The following ZMYM6 variants were observed in gnomAD, a reference collection of about 807,000 sequenced individuals.
The protein encoded by ZMYM6 is zinc finger MYM-type containing 6.
A neutral mutation model predicts 134.0 loss-of-function variants in ZMYM6; 90 were observed. The observed-to-expected ratio is 0.67, with a 90% CI of 0.57 to 0.80. The LOEUF (loss-of-function observed/expected upper bound fraction) is 0.80, where lower values mean the gene tolerates loss of function less well. ZMYM6 is among the 30% of genes least tolerant of loss of function. The pLI is 0.00. For synonymous variants in ZMYM6, 481 were observed against 524.1 expected (o/e 0.92, Z 1.12); for missense variants, 1,362 against 1,533.9 (o/e 0.89, Z 1.87).
At chr1:34,992,679 T>TTTATAAACTATAAATATAAAAATATAC (rs1557558229) in intron 14 of ZMYM6, among the ~76,000 whole-genome samples, 13 of 144,300 alleles carry the variant, frequency 9.0e-5, no homozygotes, top group Non-Finnish European at 1.8e-4. Flanking sequence ...TAAAAATATA[T>TTTATAAACTATAAATATAAAAATATAC]TTGTAAATAT....
chr1:34,993,716 C>T (rs565023355), intron 14 of ZMYM6, among the ~76,000 whole-genome samples: 69 of 151,894 alleles, frequency 4.5e-4, no homozygotes, highest in South Asian at 2.1e-3. Context: ...CGGAGTCTCG[C>T]TCTGTCACCC....
chr1:35,013,625 A>G, intron 6 of ZMYM6: 2 of 985,488 alleles, frequency 2.0e-6, no homozygotes, highest in Non-Finnish European at 2.4e-6. Flanking sequence ...AGGAAGCAAC[A>G]AATCAAACTT....
chr1:34,998,895 G>A (rs573513123), intron 14 of ZMYM6, among the ~76,000 whole-genome samples: 1 of 152,230 alleles, frequency 6.6e-6, no homozygotes, highest in South Asian at 2.1e-4. Flanking sequence ...GCTGAGGCGG[G>A]AGGATGGCTT....
At chr1:35,008,660 C>T in intron 11 of ZMYM6, 92 bp downstream of exon 11, 4 of 1,428,354 alleles carry the variant, frequency 2.8e-6, no homozygotes, top group Non-Finnish European at 3.8e-6. Flanking sequence ...TGCTAAACAC[C>T]AAATTTTTCT....
intron 6 of ZMYM6, chr1:35,013,510 T>C: frequency 2.0e-6 from 2 of 985,392 alleles, no homozygotes; most frequent in Non-Finnish European, 2.4e-6. Context: ...ATAACATGGA[T>C]TCTTTTCCTG....
intron 14 of ZMYM6, among the ~76,000 whole-genome samples, chr1:34,993,641 G>T (rs1183147080): frequency 1.3e-5 from 2 of 152,028 alleles, no homozygotes; most frequent in African/African-American, 4.8e-5. Flanking sequence ...CATCTTTGGG[G>T]GGCTACTATT....
intron 2 of ZMYM6, chr1:35,030,339 G>T: frequency 1.9e-6 from 1 of 539,598 alleles, no homozygotes; most frequent in Non-Finnish European, 3.2e-6. Context: ...GGCTGAGGTG[G>T]GAAGATCACT....
chr1:34,995,364 G>T, intron 14 of ZMYM6, among the ~76,000 whole-genome samples: 1 of 149,416 alleles, frequency 6.7e-6, no homozygotes, highest in South Asian at 2.1e-4. Context: ...TATATATGTT[G>T]CCTCTATGTA....
chr1:35,019,839 AT>A (rs914264499), intron 3 of ZMYM6, among the ~76,000 whole-genome samples: 3 of 151,246 alleles, frequency 2.0e-5, no homozygotes, highest in South Asian at 2.1e-4. Context: ...CACCCAGCTA[AT>A]TTTTTTTTAA....
chr1:34,997,266 G>T (rs564169673), intron 14 of ZMYM6, among the ~76,000 whole-genome samples: 1 of 152,144 alleles, frequency 6.6e-6, no homozygotes, highest in South Asian at 2.1e-4. Context: ...TTTCCTACTG[G>T]CATTTAAAAT....
intron 1 of ZMYM6, chr1:35,031,146 A>C (rs1641515707): frequency 6.5e-6 from 1 of 152,712 alleles, no homozygotes; most frequent in Non-Finnish European, 1.5e-5. Flanking sequence ...CCTATAACTC[A>C]ACCTTCACTG....
Position 35,030,255 on chromosome 1 carries a change from C to T in ZMYM6, c.93+292G>A, listed in dbSNP as rs1196253648. The T allele has an allele frequency of 2.0e-5, 5 of 249,606 alleles. No individual in the cohort carries two copies. In the South Asian group the frequency reaches 3.1e-4, roughly 15 times the overall value. 15.5% of individuals were successfully genotyped at this position (249,606 alleles called of 1,614,324 possible). A position where few individuals can be genotyped will look rare whatever the true frequency, so the allele number is the denominator to read the frequency against. On this transcript the variant is annotated intron_variant, in intron 2 of 15. Transcript: ENST00000357182. ...GACCAGCCTGGGAAACATGGCCAAA[C>T]CCCGTCTCTACCAAAAATACAAAAA...
At chr1:35,024,619 A>G (rs1211979627) in intron 2 of ZMYM6, among the ~76,000 whole-genome samples, 3 of 152,086 alleles carry the variant, frequency 2.0e-5, no homozygotes, top group Non-Finnish European at 2.9e-5. Flanking sequence ...ACCATTTTTA[A>G]ATCTATTATC....
Position 34,991,498 on chromosome 1 carries a change from G to A in ZMYM6, c.2146+736C>T, listed in dbSNP as rs113003855. Among the ~76,000 whole-genome samples, 35 of 152,134 alleles carry A rather than the reference G, an allele frequency of 2.3e-4. 1 individual carries two copies. The highest frequency in any genetic ancestry group is 7.5e-4 in the African/African-American group (31 of 41,494). On this transcript the variant is annotated intron_variant, in intron 15 of 15. Coordinates refer to ENST00000357182, the MANE Select transcript of ZMYM6 (RefSeq NM_007167.4). ...TAAAAACAAAAATCAGGCCAGGGGC[G>A]GTGGCTCATGCCTGTAATCCCAGCA...
intron 14 of ZMYM6, among the ~76,000 whole-genome samples, chr1:34,997,219 G>A (rs1484163133): frequency 5.3e-5 from 8 of 152,140 alleles, no homozygotes; most frequent in African/African-American, 1.9e-4. Flanking sequence ...CTCTCATTTT[G>A]AAGTTAAATA....
intron 2 of ZMYM6, among the ~76,000 whole-genome samples, chr1:35,022,177 T>C (rs1482066686): frequency 1.3e-5 from 2 of 152,354 alleles, no homozygotes; most frequent in East Asian, 3.8e-4. Context: ...TCTTTATAGA[T>C]GAGGAAAGTG....
chr1:35,015,323 AG>A (rs1313927917), intron 4 of ZMYM6, among the ~76,000 whole-genome samples, 161 bp from the exon 5 acceptor site: 4 of 152,324 alleles, frequency 2.6e-5, no homozygotes, highest in Middle Eastern at 6.8e-3. Flanking sequence ...GCTATTTATC[AG>A]GTGAGTGACA....
chr1:34,987,730 C>A lies in ZMYM6; in HGVS notation c.3352G>T (p.Asp1118Tyr). The A allele has an allele frequency of 6.4e-7, 1 of 1,551,360 alleles. No individual in the cohort carries two copies. Among genetic ancestry groups the A allele is most frequent in the Non-Finnish European group, 8.7e-7 (1 of 1,146,940 alleles). Residue 1118 changes from aspartate (D) to tyrosine (Y), a missense_variant, in exon 16 of 16, where the codon GAT becomes TAT. By Grantham distance (160) the Asp-to-Tyr change is radical. Around this residue, in one of 3 missense-constraint regions of ZMYM6, gnomAD observed 824 missense variants for 940.9 expected, o/e 0.88. Transcript: ENST00000357182. ...AATTCATTTATAAGTGAAAATATAT[C>A]TGATAAGTAGGCCAGCTTTCCAACC... ...EWVGKLAYLS[D>Y]IFSLINELNL...
chr1:35,005,079 T>C (rs1640942679), intron 13 of ZMYM6, 53 bp downstream of exon 13: 6 of 1,604,460 alleles, frequency 3.7e-6, no homozygotes, highest in Middle Eastern at 1.7e-4. Context: ...CTACTTAGGC[T>C]AGACAACACT....
Sources: allele counts gnomAD v4.1 joint callset (sites outside exome capture counted in the v4.1 genomes callset), GRCh38; gene constraint gnomAD v4.1.1; regional missense constraint gnomAD v4.1.1; transcripts MANE v1.5; gene names NCBI Gene and HGNC (gene_info 2026-07-23, HGNC 2026-07-21).